PRSS33: variants seen among roughly 807,000 people sequenced by gnomAD.
The protein encoded by PRSS33 is serine protease 33, also known as protease, serine 33.
A neutral mutation model predicts 26.7 loss-of-function variants in PRSS33; 32 were observed. The ratio of observed to expected loss-of-function variants is 1.20; its 90% CI spans 0.90 to 1.61. The LOEUF is 1.61. Among genes scored for constraint, PRSS33 ranks in the 40% most tolerant of loss-of-function variants. The pLI is 0.00. For synonymous variants in PRSS33, 192 were observed against 177.6 expected (o/e 1.08, Z -0.64); for missense variants, 450 against 396.3 (o/e 1.14, Z -1.15).
Position 2,785,595 on chromosome 16 carries a change from G to A in PRSS33, c.294C>T (p.Gly98=), listed in dbSNP as rs1010961672. 1.2e-5 allele frequency: 18 copies of A among 1,518,384 alleles called. No homozygotes were observed. The highest frequency in any genetic ancestry group is 5.0e-5 in the East Asian group (2 of 39,916). The allele number at this position is 1,518,384 out of a possible 1,614,324, so 94.1% of individuals were successfully genotyped here. ...CCGAGAGCGTGCGGGGCGAGGTGGA[G>A]CCCAGACGCAGCGCCCCCAGGCGCA... is the stretch of plus-strand genomic sequence containing the variant. ...YRVRLGALRL[G]STSPRTLSVP... Residue 98 remains glycine, a synonymous_variant, in exon 5 of 7, where the codon GGC becomes GGT. Coordinates refer to ENST00000682474, the MANE Select transcript of PRSS33 (RefSeq NM_152891.3).
At position 2,785,074 on chromosome 16, in the gene PRSS33, G is replaced by C. The variant is rs1476863477; in HGVS notation, c.612C>G (p.Pro204=). 2 of 1,570,156 alleles carry C rather than the reference G, an allele frequency of 1.3e-6. No homozygotes were observed. The part of the protein sequence containing the change: ...DGLYHVGADV[P]QAERIVLPGS... Reference sequence around the variant, plus strand: ...CAGGCAGCACAATGCGCTCAGCCTGGGGCACGTCCGCGCCCACGTGGTAGA... The same window carrying C: ...CAGGCAGCACAATGCGCTCAGCCTGCGGCACGTCCGCGCCCACGTGGTAGA... Residue 204 remains proline, a synonymous_variant, in exon 6 of 7, where the codon CCC becomes CCG. Coordinates refer to ENST00000682474, the MANE Select transcript of PRSS33 (RefSeq NM_152891.3).
Position 2,784,675 on chromosome 16 carries a change from C to T in PRSS33, c.812G>A (p.Ser271Asn). Residue 271 changes from serine (S) to asparagine (N), a missense_variant, in exon 7 of 7, where the codon AGC becomes AAC. Physicochemically the swap from Ser to Asn is conservative, Grantham distance 46. Transcript: ENST00000682474. ...PGVYTSVATY[S>N]PWIQARVSF ...GCTGACGCGAGCCTGAATCCAGGGG[C>T]TATATGTGGCCACACTGGTGTAGAC... The T allele has an allele frequency of 6.2e-7, 1 of 1,604,386 alleles. No homozygotes were observed. Among genetic ancestry groups the T allele is most frequent in the Non-Finnish European group, 8.5e-7 (1 of 1,175,512 alleles).
chr16:2,785,282 T>C, intron 5 of PRSS33, 93 bp downstream of exon 5: 1 of 1,453,748 alleles, frequency 6.9e-7, no homozygotes, highest in Non-Finnish European at 9.1e-7. Flanking sequence ...CGCTGGGTCC[T>C]GGATTGGGGC....
At chr16:2,784,940 A>G (rs1463061015) in intron 6 of PRSS33, 62 bp downstream of exon 6, 2 of 1,559,358 alleles carry the variant, frequency 1.3e-6, no homozygotes, top group South Asian at 2.3e-5. Context: ...CCTGGAGTTC[A>G]GGGAGGGAGG....
intron 1 of PRSS33, 66 bp from the exon 2 acceptor site, chr16:2,786,670 T>C (rs575666710): frequency 1.8e-4 from 194 of 1,084,704 alleles, no homozygotes; most frequent in Middle Eastern, 1.3e-3. Context: ...CACCAGCCCG[T>C]CACCCCCTCC....
chr16:2,787,667 TCAAA>T (rs2068893756), upstream of PRSS33, among the ~76,000 whole-genome samples: 1 of 151,492 alleles, frequency 6.6e-6, no homozygotes, highest in Non-Finnish European at 1.5e-5. Context: ...CGGACCAGCC[TCAAA>T]CAAAGATGCT....
intron 4 of PRSS33, 26 bp downstream of exon 4, chr16:2,785,773 C>G (rs780723444): frequency 6.4e-7 from 1 of 1,563,400 alleles, no homozygotes; most frequent in Non-Finnish European, 8.6e-7. Context: ...TTGCACACCC[C>G]GCCTGGGCCC....
intron 1 of PRSS33, 24 bp from the exon 2 acceptor site, chr16:2,786,628 G>A: frequency 6.5e-7 from 1 of 1,527,774 alleles, no homozygotes; most frequent in Admixed American, 1.8e-5. Flanking sequence ...GGAGAAGAGA[G>A]GAGAGTCCTG....
Position 2,785,362 on chromosome 16 carries a change from C to A in PRSS33, c.514+13G>T. 1 of 1,442,744 alleles carries A rather than the reference C, an allele frequency of 6.9e-7. No homozygotes were observed. The highest frequency in any genetic ancestry group is 1.4e-5 in the African/African-American group (1 of 69,342). The allele number at this position is 1,442,744 out of a possible 1,614,324, so 89.4% of individuals were successfully genotyped here. On this transcript the variant is annotated intron_variant, in intron 5 of 6. Transcript: ENST00000682474. The stretch of plus-strand genomic sequence containing the variant: ...GCTCCCGGATGCCTCGGAGCCCCGC[C>A]CTCCTGCCTTACCTCCTGGGCGGAG...
At position 2,786,588 on chromosome 16, in the gene PRSS33, A is replaced by G. The variant is rs755499393; in HGVS notation, c.-41T>C. 6 of 1,610,278 alleles carry G rather than the reference A, an allele frequency of 3.7e-6. No homozygotes were observed. Among genetic ancestry groups the G allele is most frequent in the Non-Finnish European group, 5.1e-6 (6 of 1,177,906 alleles). On this transcript the variant is annotated 5_prime_UTR_variant, in exon 2 of 7. Transcript: ENST00000682474. ...GGGCTGGGTAAGGGTGGCACTGCCT[A>G]GGGCTTGGACTCTGGTCTGGAGCCA...
At position 2,785,556 on chromosome 16, in the gene PRSS33, C is replaced by A. The variant is rs754632742; in HGVS notation, c.333G>T (p.Arg111=). 12 of 1,528,152 alleles carry A rather than the reference C, an allele frequency of 7.9e-6. No individual in the cohort carries two copies. Among genetic ancestry groups the A allele is most frequent in the Non-Finnish European group, 1.0e-5 (12 of 1,144,498 alleles). 94.7% of individuals were successfully genotyped at this position (1,528,152 alleles called of 1,614,324 possible). A position where few individuals can be genotyped will look rare whatever the true frequency, so the allele number is the denominator to read the frequency against. The stretch of plus-strand genomic sequence containing the variant: ...CGGAGTAGTCCGGGGGCAGCAGCAC[C>A]CGTCGCACGGGCACCGAGAGCGTGC... ...SPRTLSVPVR[R]VLLPPDYSED... The change falls in exon 5 of 7, where the codon CGG becomes CGT. Residue 111 remains arginine, a synonymous_variant. Transcript: ENST00000682474.
Position 2,784,377 on chromosome 16 carries a change from G to A in PRSS33, c.*267C>T. The A allele has an allele frequency of 2.7e-6, 1 of 375,618 alleles. No individual in the cohort carries two copies. The highest frequency in any genetic ancestry group is 4.9e-6 in the Non-Finnish European group (1 of 205,300). The allele number at this position is 375,618 out of a possible 1,614,324, so 23.3% of individuals were successfully genotyped here. On this transcript the variant is annotated 3_prime_UTR_variant, in exon 7 of 7. Coordinates refer to ENST00000682474, the MANE Select transcript of PRSS33 (RefSeq NM_152891.3). The stretch of plus-strand genomic sequence containing the variant: ...CCAGCCCTGGCCAGGGCCAAGAAAA[G>A]TAAATACAAGCCAGGAAGGGAGTGG...
In PRSS33 at chr16:2,784,561, G is replaced by A. The variant is rs1017409473; in HGVS notation, c.*83C>T. ...ATCTTGGCCTCGAGGCAGAAGGGAT[G>A]TGGGGTATAGGCAGGTGCCTGGATG... On this transcript the variant is annotated 3_prime_UTR_variant, in exon 7 of 7. Coordinates refer to ENST00000682474, the MANE Select transcript of PRSS33 (RefSeq NM_152891.3). 8.7e-6 allele frequency: 12 copies of A among 1,373,652 alleles called. No individual in the cohort carries two copies. Among genetic ancestry groups the A allele is most frequent in the Admixed American group, 2.5e-5 (1 of 39,272 alleles). The allele number at this position is 1,373,652 out of a possible 1,614,324, so 85.1% of individuals were successfully genotyped here.
chr16:2,785,636 G>T lies in PRSS33; in HGVS notation c.253C>A (p.Pro85Thr), dbSNP rs886680323. The T allele has an allele frequency of 1.1e-5, 17 of 1,495,256 alleles. No individual in the cohort carries two copies. Among genetic ancestry groups the T allele is most frequent in the Admixed American group, 2.3e-5 (1 of 44,302 alleles). 92.6% of individuals were successfully genotyped at this position (1,495,256 alleles called of 1,614,324 possible). A position where few individuals can be genotyped will look rare whatever the true frequency, so the allele number is the denominator to read the frequency against. Residue 85 changes from proline (P) to threonine (T), a missense_variant, in exon 5 of 7, where the codon CCA (proline) becomes ACA (threonine). Pro to Thr is a conservative substitution (Grantham distance 38). Transcript: ENST00000682474. ...CCCAGGCGCACGCGGTACTCAGCTG[G>T]CAGTGCCCTCCTGCAGGACAGGAGC... ...AAHCFPRRALPAEYRVRLGAL... is the reference protein window; with the variant it reads ...AAHCFPRRALTAEYRVRLGAL...
rs1288992049 is a variant in PRSS33, at chr16:2,785,946, C to T, written c.95G>A (p.Arg32His). The part of the protein sequence containing the change: ...GRKSAACGQP[R>H]MSSRIVGGRD... ...GCCCCCAACGATCCGACTGGACATG[C>T]GGGGCTGCCCGCAGGCTAGAAAAGG... The change falls in exon 4 of 7, where the codon CGC becomes CAC. Residue 32 changes from arginine to histidine, a missense_variant. Arg to His is a conservative substitution (Grantham distance 29). Coordinates refer to ENST00000682474, the MANE Select transcript of PRSS33 (RefSeq NM_152891.3). The T allele has an allele frequency of 5.0e-6, 8 of 1,612,484 alleles. No homozygotes were observed. The highest frequency in any genetic ancestry group is 6.8e-6 in the Non-Finnish European group (8 of 1,179,832).
intron 2 of PRSS33, 52 bp from the exon 3 acceptor site, chr16:2,786,173 C>T (rs544733141): frequency 2.6e-6 from 4 of 1,533,858 alleles, no homozygotes; most frequent in Middle Eastern, 1.7e-4. Flanking sequence ...TGTCAAATAA[C>T]GGAGTTGGAG....
chr16:2,787,484 C>T (rs1165361875), intron 1 of PRSS33, among the ~76,000 whole-genome samples, 49 bp downstream of exon 1: 1 of 144,474 alleles, frequency 6.9e-6, no homozygotes, highest in Non-Finnish European at 1.5e-5. Context: ...CCCTCATCCT[C>T]ACCCACTGGC....
chr16:2,785,864 T>G lies in PRSS33; in HGVS notation c.177A>C (p.Ala59=), dbSNP rs752194076. The G allele has an allele frequency of 1.9e-5, 30 of 1,609,280 alleles. 1 individual carries two copies. The Middle Eastern group carries it at 2.5e-3, about 133-fold the overall frequency. ...PWQASIQHRG[A]HVCGGSLIAP... Reference sequence around the variant, plus strand: ...CGATGAGCGACCCCCCGCACACGTGTGCCCCACGATGCTGGATGCTCGCCT... The same window carrying G: ...CGATGAGCGACCCCCCGCACACGTGGGCCCCACGATGCTGGATGCTCGCCT... The change falls in exon 4 of 7, where the codon GCA becomes GCC. Residue 59 remains alanine (A), a synonymous_variant. Coordinates refer to ENST00000682474, the MANE Select transcript of PRSS33 (RefSeq NM_152891.3).
rs1375594389 is a variant in PRSS33, at chr16:2,784,301, C to T, written c.*343G>A. 1.1e-5 allele frequency: 2 copies of T among 185,416 alleles called. No individual in the cohort carries two copies. The highest frequency in any genetic ancestry group is 4.7e-5 in the African/African-American group (2 of 42,670). The allele number at this position is 185,416 out of a possible 1,614,324, so 11.5% of individuals were successfully genotyped here. A position where few individuals can be genotyped will look rare whatever the true frequency, so the allele number is the denominator to read the frequency against. On this transcript the variant is annotated 3_prime_UTR_variant, in exon 7 of 7. Transcript: ENST00000682474. The stretch of plus-strand genomic sequence containing the variant: ...GACTTTCTCCAGAAAAAGATGGGCA[C>T]ACAGGCCAGATGGGCAGCAATTGGT...
Sources: gnomAD v4.1 joint callset for allele counts (sites outside exome capture counted in the v4.1 genomes callset) on GRCh38, gnomAD v4.1.1 for gene constraint, MANE v1.5 for transcripts, NCBI Gene and HGNC (gene_info 2026-07-23, HGNC 2026-07-21) for gene names.